USP9X: variants seen among roughly 807,000 people sequenced by gnomAD.
USP9X encodes the protein ubiquitin carboxyl-terminal hydrolase 9X.
A neutral mutation model predicts 190.3 loss-of-function variants in USP9X; 7 were observed. That is an observed-to-expected ratio of 0.04 (90% CI 0.02 to 0.07). The LOEUF (loss-of-function observed/expected upper bound fraction) is 0.07. Among genes scored for constraint, USP9X ranks in the 10% least tolerant of loss-of-function variants. USP9X has a pLI of 1.00. For missense variants in USP9X, 1,010 were observed against 1,916.9 expected, an observed-to-expected ratio of 0.53 and a Z score of 8.83; for synonymous variants, 645 against 659.5, an observed-to-expected ratio of 0.98 and a Z score of 0.34.
chrX:41,099,122 T>TTTA (rs1491020184), intron 1 of USP9X, among the ~76,000 whole-genome samples: 5 of 77,959 alleles, frequency 6.4e-5, no homozygotes, highest in Admixed American at 2.8e-4. Flanking sequence ...TTTTTTTTTT[T>TTTA]AAACAGAGAT....
At chrX:41,186,475 TA>T (rs751078358) in intron 23 of USP9X, 41 bp from the exon 24 acceptor site, 2 of 1,202,489 alleles carry the variant, frequency 1.7e-6, no homozygotes, top group Non-Finnish European at 2.3e-6. Flanking sequence ...TCTGGTTATG[TA>T]CAAATTATTT....
rs1025427743 is a variant in USP9X, at chrX:41,233,555, C to G, written c.*1031C>G. The G allele has an allele frequency of 8.9e-6, 1 of 112,248 alleles. No homozygotes were observed. The highest frequency in any genetic ancestry group is 3.2e-5 in the African/African-American group (1 of 30,844). The allele number at this position is 112,248 out of a possible 1,213,427, so 9.3% of individuals were successfully genotyped here. A position where few individuals can be genotyped will look rare whatever the true frequency, so the allele number is the denominator to read the frequency against. ...AGGTGAATCTTCTAAAACTTTCCTT[C>G]TGTTGGATCCCAGTGACGTGGAAGT... On this transcript the variant is annotated 3_prime_UTR_variant, in exon 45 of 45. Transcript: ENST00000378308.
At chrX:41,189,684 A>AT (rs1399997251) in intron 26 of USP9X, 6 of 317,754 alleles carry the variant, frequency 1.9e-5, no homozygotes, top group East Asian at 4.8e-5. Context: ...TCAAAGCATG[A>AT]TTTTTTTCTA....
intron 38 of USP9X, among the ~76,000 whole-genome samples, chrX:41,220,009 C>T (rs919191518): frequency 1.2e-4 from 13 of 111,632 alleles, no homozygotes; most frequent in Non-Finnish European, 1.9e-4. Context: ...ACCAAAAAGT[C>T]ATATATCCAA....
Position 41,085,801 on chromosome X carries a change from C to G in USP9X, c.-467C>G, listed in dbSNP as rs887087277. On this transcript the variant is annotated 5_prime_UTR_variant, in exon 1 of 45. Coordinates refer to ENST00000378308, the MANE Select transcript of USP9X (RefSeq NM_001039591.3). ...GGTGACGCAGGAGAAACGCACCGCC[C>G]GGAGCCCGTCTGAGCTCAGCGAGAG... 6.7e-6 allele frequency: 2 copies of G among 298,789 alleles called. No homozygotes were observed. Among genetic ancestry groups the G allele is most frequent in the Non-Finnish European group, 1.2e-5 (2 of 170,887 alleles). The allele number at this position is 298,789 out of a possible 1,213,427, so 24.6% of individuals were successfully genotyped here.
intron 14 of USP9X, among the ~76,000 whole-genome samples, chrX:41,158,534 A>G (rs1466924530): frequency 1.9e-5 from 2 of 105,038 alleles, no homozygotes; most frequent in Non-Finnish European, 3.8e-5. Context: ...CCAGATAAAC[A>G]AAGACTGAGA....
intron 38 of USP9X, among the ~76,000 whole-genome samples, chrX:41,221,479 G>A (rs952113980): frequency 9.0e-6 from 1 of 111,335 alleles, no homozygotes; most frequent in Non-Finnish European, 1.9e-5. Context: ...AGGGATTTGG[G>A]GAGTGCAGAA....
chrX:41,187,564 G>A (rs980331334), intron 24 of USP9X, among the ~76,000 whole-genome samples: 3 of 112,595 alleles, frequency 2.7e-5, no homozygotes, highest in Non-Finnish European at 5.6e-5. Flanking sequence ...AAGAAACTAC[G>A]AGTGGAAAGG....
chrX:41,171,835 T>C lies in USP9X; in HGVS notation c.3028-3T>C. 1 of 1,208,191 alleles carries C rather than the reference T, an allele frequency of 8.3e-7. No individual in the cohort carries two copies. Among genetic ancestry groups the C allele is most frequent in the Non-Finnish European group, 1.1e-6 (1 of 893,519 alleles). ...TAATTATTTTGTGTATTTTATATTCTAGATAATGTCACTGCATCCCAGATA... is the reference window on the plus strand; with the variant it reads ...TAATTATTTTGTGTATTTTATATTCCAGATAATGTCACTGCATCCCAGATA... On this transcript the variant is annotated splice_region_variant and splice_polypyrimidine_tract_variant and intron_variant, in intron 20 of 44. Transcript: ENST00000378308.
chrX:41,158,442 G>A (rs2062598673), intron 14 of USP9X, among the ~76,000 whole-genome samples: 2 of 110,895 alleles, frequency 1.8e-5, no homozygotes, highest in South Asian at 3.8e-4. Context: ...AAAGTGCTGG[G>A]GTTGGGGGAC....
intron 25 of USP9X, among the ~76,000 whole-genome samples, 187 bp downstream of exon 25, chrX:41,188,304 C>T (rs1454854316): frequency 8.9e-6 from 1 of 111,996 alleles, no homozygotes; most frequent in African/African-American, 3.2e-5. Flanking sequence ...ACTTAAGAAT[C>T]GTGCCATGTG....
chrX:41,226,328 A>G (rs1273747603), intron 41 of USP9X, among the ~76,000 whole-genome samples: 1 of 111,683 alleles, frequency 9.0e-6, no homozygotes, highest in African/African-American at 3.3e-5. Context: ...TGAATATATT[A>G]TCTTTAATCC....
chrX:41,086,382 C>T lies in USP9X; in HGVS notation c.-159+273C>T, dbSNP rs774714921. 4.7e-3 allele frequency among the ~76,000 whole-genome samples: 525 copies of T among 112,376 alleles called. 3 individuals carry two copies. Among genetic ancestry groups the T allele is most frequent in the Non-Finnish European group, 8.3e-3 (441 of 52,938 alleles). On this transcript the variant is annotated intron_variant, in intron 1 of 44. Coordinates refer to ENST00000378308, the MANE Select transcript of USP9X (RefSeq NM_001039591.3). ...TGACGGCTCCGTCCCTCCCCCTCCT[C>T]CCCCTTCCCGTCCTGTCTGGGGCCG...
chrX:41,230,320 TC>T (rs1229473811), intron 43 of USP9X, among the ~76,000 whole-genome samples, 180 bp from the exon 44 acceptor site: 2 of 94,071 alleles, frequency 2.1e-5, no homozygotes, highest in African/African-American at 7.7e-5. Context: ...AGAATGCAAA[TC>T]AGGTTTTTTG....
chrX:41,162,812 A>G lies in USP9X; in HGVS notation c.1920A>G (p.Gln640=). 8.3e-7 allele frequency: 1 copy of G among 1,209,486 alleles called. No homozygotes were observed. The highest frequency in any genetic ancestry group is 1.1e-6 in the Non-Finnish European group (1 of 894,379). ...CAGACCATGAAGATTATGACCCACAAACTGTGAGGCTGGGAAGTAGATATA... is the reference window on the plus strand; with the variant it reads ...CAGACCATGAAGATTATGACCCACAGACTGTGAGGCTGGGAAGTAGATATA... ...YARDHEDYDP[Q]TVRLGSRYSH... The change falls in exon 15 of 45, where the codon CAA becomes CAG. Residue 640 remains glutamine, a synonymous_variant. Transcript: ENST00000378308.
chrX:41,158,097 C>G (rs1194893195), intron 14 of USP9X, among the ~76,000 whole-genome samples: 2 of 110,761 alleles, frequency 1.8e-5, no homozygotes, highest in South Asian at 7.6e-4. Context: ...ATCTGAAGAA[C>G]ACAGGAAAAG....
At chrX:41,199,228 C>T (rs1015915771) in intron 30 of USP9X, among the ~76,000 whole-genome samples, 5 of 110,739 alleles carry the variant, frequency 4.5e-5, no homozygotes, top group African/African-American at 1.6e-4. Flanking sequence ...AAAATAAGAC[C>T]ATTATAAGCA....
At chrX:41,205,034 G>A (rs1378713720) in intron 31 of USP9X, 1 of 206,601 alleles carries the variant, frequency 4.8e-6, no homozygotes, top group African/African-American at 2.9e-5. Flanking sequence ...GGTAGAGCCT[G>A]CATTTATGTC....
intron 1 of USP9X, 54 bp from the exon 2 acceptor site, chrX:41,123,417 A>G: frequency 2.5e-6 from 1 of 395,938 alleles, no homozygotes; most frequent in South Asian, 3.7e-5. Flanking sequence ...ACAGTTCCAT[A>G]ATTCATGTTT....
Sources: allele counts gnomAD v4.1 joint callset (sites outside exome capture counted in the v4.1 genomes callset), GRCh38; gene constraint gnomAD v4.1.1; transcripts MANE v1.5; gene names NCBI Gene and HGNC (gene_info 2026-07-23, HGNC 2026-07-21).